MCF2L: variants seen among roughly 807,000 people sequenced by gnomAD.
MCF2L encodes guanine nucleotide exchange factor DBS.
MCF2L carries 97 observed loss-of-function variants against 153.4 expected under a neutral mutation model. That is an observed-to-expected ratio of 0.63 (90% confidence interval 0.54 to 0.75). The LOEUF is 0.75. Among genes scored for constraint, MCF2L ranks in the 30% least tolerant of loss-of-function variants. The pLI is 0.00. For synonymous variants in MCF2L, 659 were observed against 632.2 expected (o/e 1.04, Z -0.64); for missense variants, 1,347 against 1,495.2 (o/e 0.90, Z 1.64).
rs747749481 is a variant in MCF2L, at chr13:113,065,096, G to A, written c.756+11G>A. ...AAGGACAAGGCGAAGGTACATGGGG[G>A]GTGCTCCGGCTGGAAGCTGTGGGGG... On this transcript the variant is annotated intron_variant, in intron 7 of 29. Transcript: ENST00000535094. The A allele has an allele frequency of 6.2e-7, 1 of 1,607,364 alleles. No individual in the cohort carries two copies. Among genetic ancestry groups the A allele is most frequent in the South Asian group, 1.1e-5 (1 of 90,690 alleles).
At chr13:113,079,805 A>G (rs1183712791) in intron 15 of MCF2L, among the ~76,000 whole-genome samples, 5 of 142,626 alleles carry the variant, frequency 3.5e-5, no homozygotes, top group East Asian at 2.2e-4. Context: ...GTCCAGGCAG[A>G]GGAATGTCTG....
intron 4 of MCF2L, chr13:113,052,476 C>T (rs578220019): frequency 3.0e-5 from 5 of 166,436 alleles, no homozygotes; most frequent in East Asian, 1.9e-4. Flanking sequence ...ATGCCTGGAG[C>T]GAGACTATTT....
At chr13:113,003,330 T>C (rs1353737558) in intron 1 of MCF2L, among the ~76,000 whole-genome samples, 2 of 148,794 alleles carry the variant, frequency 1.3e-5, no homozygotes, top group African/African-American at 2.5e-5. Context: ...GGTTATGGGG[T>C]TGGCTGTGGA....
chr13:113,065,349 C>T (rs954346330), intron 7 of MCF2L: 3 of 495,854 alleles, frequency 6.1e-6, no homozygotes, highest in Non-Finnish European at 1.1e-5. Flanking sequence ...GTTGGGTCAA[C>T]CATTGGCCCT....
Position 113,096,445 on chromosome 13 carries a change from C to G in MCF2L, c.3150C>G (p.Asp1050Glu), listed in dbSNP as rs768269006. 6.3e-7 allele frequency: 1 copy of G among 1,593,786 alleles called. No homozygotes were observed. The highest frequency in any genetic ancestry group is 8.5e-7 in the Non-Finnish European group (1 of 1,171,444). The change falls in exon 28 of 30, where the codon GAC (aspartate) becomes GAG (glutamate). Residue 1050 changes from aspartate (D) to glutamate (E), a missense_variant. Asp to Glu is a conservative substitution (Grantham distance 45, BLOSUM62 2). This residue lies in a region of MCF2L where 383 missense variants were observed against 335.4 expected (regional missense o/e 1.14). Coordinates refer to ENST00000535094, the MANE Select transcript of MCF2L (RefSeq NM_001112732.3). ...ATGCGCTGCGCGTGAGGAGCGGGGA[C>G]GTGGTGGAGCTGGTGCAGGAGGGCG... is the stretch of plus-strand genomic sequence containing the variant. ...GPDALRVRSG[D>E]VVELVQEGDE...
intron 1 of MCF2L, among the ~76,000 whole-genome samples, chr13:112,972,420 G>A (rs1394717290): frequency 7.4e-6 from 1 of 134,498 alleles, no homozygotes; most frequent in Non-Finnish European, 1.6e-5. Context: ...GTGGATAAGT[G>A]GGTGGATGGA....
intron 1 of MCF2L, among the ~76,000 whole-genome samples, chr13:112,980,020 G>A (rs1291036516): frequency 6.6e-6 from 1 of 152,176 alleles, no homozygotes; most frequent in Non-Finnish European, 1.5e-5. Flanking sequence ...TTTCCGCTCC[G>A]ATTGGAAAGA....
At chr13:112,955,856 T>C (rs748887884) in intron 2 of MCF2L, among the ~76,000 whole-genome samples, 6 of 152,128 alleles carry the variant, frequency 3.9e-5, no homozygotes, top group Non-Finnish European at 8.8e-5. Flanking sequence ...CCAGAAACGC[T>C]GGAGAATAAA....
chr13:113,044,979 A>T, intron 3 of MCF2L: 5 of 1,507,180 alleles, frequency 3.3e-6, no homozygotes, highest in South Asian at 2.4e-5. Context: ...ATAGCAAATG[A>T]CTGAGCTCGG....
chr13:112,946,019 G>A (rs892273375), intron 2 of MCF2L, among the ~76,000 whole-genome samples: 16 of 152,168 alleles, frequency 1.1e-4, no homozygotes, highest in African/African-American at 3.6e-4. Flanking sequence ...ACGCCAGCCC[G>A]GGCTCTTCTG....
At chr13:112,944,210 G>A (rs935729805) in intron 2 of MCF2L, among the ~76,000 whole-genome samples, 1 of 149,694 alleles carries the variant, frequency 6.7e-6, no homozygotes, top group African/African-American at 2.5e-5. Flanking sequence ...CCCGGGCCGT[G>A]AGAGGAGGGT....
At chr13:112,962,541 C>G (rs1413926975) in intron 2 of MCF2L, among the ~76,000 whole-genome samples, 6 of 152,174 alleles carry the variant, frequency 3.9e-5, no homozygotes. Flanking sequence ...TGGTCCCTGG[C>G]CAGTGCAGCC....
At chr13:113,025,441 TCGGGGCAGAG>T (rs2085193072) in intron 3 of MCF2L, among the ~76,000 whole-genome samples, 1 of 43,798 alleles carries the variant, frequency 2.3e-5, no homozygotes, top group Non-Finnish European at 4.3e-5. Flanking sequence ...TGACTGTGGG[TCGGGGCAGAG>T]TCTCTGTGAG....
chr13:113,095,358 C>G, intron 27 of MCF2L: 1 of 1,148,812 alleles, frequency 8.7e-7, no homozygotes, highest in South Asian at 1.8e-5. Context: ...CCTCTGGCCT[C>G]TCCCACAGAG....
rs1348241165 is a variant in MCF2L at position 112,947,412 on chromosome 13, C to T, written c.169+45041C>T. Among the ~76,000 whole-genome samples the T allele has an allele frequency of 2.6e-5, 4 of 152,340 alleles. No homozygotes were observed. The East Asian group carries it at 5.8e-4, about 22-fold the overall frequency. On this transcript the variant is annotated intron_variant, in intron 2 of 29. Transcript: ENST00000375608. ...AGAGTCTCCTCTAAATAAGGTGTGA[C>T]TGAGACTCAAGGAACGATTCATCTG...
At chr13:112,947,729 C>T (rs1397631794) in intron 2 of MCF2L, among the ~76,000 whole-genome samples, 3 of 152,206 alleles carry the variant, frequency 2.0e-5, no homozygotes, top group African/African-American at 4.8e-5. Flanking sequence ...GCTCAGTTCA[C>T]CTCAGCAGTT....
At chr13:112,970,673 G>C (rs183314688) in intron 1 of MCF2L, among the ~76,000 whole-genome samples, 1 of 152,206 alleles carries the variant, frequency 6.6e-6, no homozygotes, top group Admixed American at 6.5e-5. Context: ...ATGCCTCTGC[G>C]TGCCGTTCGG....
chr13:112,917,521 G>A (rs1055477062), intron 2 of MCF2L: 16 of 292,994 alleles, frequency 5.5e-5, no homozygotes, highest in African/African-American at 1.7e-4. Context: ...GTGACCTCTC[G>A]AAGGTGAGTG....
rs886465469 is a variant in MCF2L at position 112,960,615 on chromosome 13, A to G, written c.170-54148A>G. Among the ~76,000 whole-genome samples the G allele has an allele frequency of 6.6e-6, 1 of 152,100 alleles. No homozygotes were observed. The highest frequency in any genetic ancestry group is 2.4e-5 in the African/African-American group (1 of 41,410). ...AGTTTCCTATTGCAGTTGACAGATC[A>G]CTGCAAACACTGGCTAACCACACAC... On this transcript the variant is annotated intron_variant, in intron 2 of 29. Transcript: ENST00000375608. This position sits in a 1 kb window ranked among gnomAD's most constrained non-coding sequence, Gnocchi z 4.2.
Sources: gnomAD v4.1 joint callset for allele counts (sites outside exome capture counted in the v4.1 genomes callset) on GRCh38, gnomAD v4.1.1 for gene constraint, gnomAD v4.1.1 regional missense constraint, Gnocchi (gnomAD v3.1) non-coding constraint, MANE v1.5 for transcripts, NCBI Gene and HGNC (gene_info 2026-07-23, HGNC 2026-07-21) for gene names.